The following PKD1L3 variants were observed in gnomAD, a reference collection of about 807,000 sequenced individuals.
PKD1L3 encodes polycystin-1-like protein 3.
A neutral mutation model predicts 184.1 loss-of-function variants in PKD1L3; 239 were observed. The ratio of observed to expected loss-of-function variants is 1.30; its 90% confidence interval spans 1.17 to 1.45. PKD1L3 has a LOEUF of 1.45. Among genes scored for constraint, PKD1L3 ranks in the 40% most tolerant of loss-of-function variants. The pLI is 0.00. For synonymous variants in PKD1L3, 996 were observed against 778.8 expected (o/e 1.28, Z -4.64); for missense variants, 2,660 against 2,067.2 (o/e 1.29, Z -5.56).
At chr16:71,999,372 G>T (rs897910521) in intron 1 of PKD1L3, among the ~76,000 whole-genome samples, 11 of 152,080 alleles carry the variant, frequency 7.2e-5, no homozygotes, top group African/African-American at 2.4e-4. Context: ...TCAGAATAAT[G>T]AAGAGATGTT....
At chr16:71,987,102 T>C (rs570590626) in intron 4 of PKD1L3, among the ~76,000 whole-genome samples, 129 of 147,306 alleles carry the variant, frequency 8.8e-4, no homozygotes, top group African/African-American at 3.1e-3. Context: ...TTTTTGTATT[T>C]TTAGTAGAGA....
intron 10 of PKD1L3, 91 bp from the exon 11 acceptor site, chr16:71,977,558 C>CTT: frequency 3.2e-6 from 2 of 628,028 alleles, no homozygotes; most frequent in Non-Finnish European, 4.9e-6. Flanking sequence ...AACGTCCTAG[C>CTT]TCTTTTTTTT....
At chr16:71,968,172 T>A (rs1487683720) in intron 13 of PKD1L3, among the ~76,000 whole-genome samples, 165 bp from the exon 14 acceptor site, 4 of 152,226 alleles carry the variant, frequency 2.6e-5, no homozygotes, top group Non-Finnish European at 4.4e-5. Context: ...CAGACCTAAG[T>A]CACTAAAGTG....
intron 2 of PKD1L3, among the ~76,000 whole-genome samples, chr16:71,994,834 T>C (rs1234956569): frequency 6.6e-6 from 1 of 152,038 alleles, no homozygotes; most frequent in Non-Finnish European, 1.5e-5. Flanking sequence ...CCGCCGTCTC[T>C]ACTAAAAATA....
At chr16:71,978,442 C>T (rs1351550842) in intron 9 of PKD1L3, 59 bp from the exon 10 acceptor site, 3 of 1,434,710 alleles carry the variant, frequency 2.1e-6, no homozygotes, top group Non-Finnish European at 1.9e-6. Flanking sequence ...AGTGACCCCA[C>T]TAGAAAGATA....
chr16:71,930,306 A>G (rs1420728674), intron 28 of PKD1L3, 123 bp from the exon 29 acceptor site: 3 of 1,001,812 alleles, frequency 3.0e-6, no homozygotes, highest in South Asian at 3.0e-5. Context: ...AAACTTAGGG[A>G]GAGAGTCAAA....
intron 2 of PKD1L3, among the ~76,000 whole-genome samples, chr16:71,994,035 G>C (rs745785422): frequency 6.6e-6 from 1 of 152,190 alleles, no homozygotes; most frequent in Non-Finnish European, 1.5e-5. Flanking sequence ...CTCCCAAAGT[G>C]CTAGGATTAC....
chr16:71,971,486 G>A (rs749528601), intron 12 of PKD1L3, among the ~76,000 whole-genome samples: 3 of 152,098 alleles, frequency 2.0e-5, no homozygotes, highest in African/African-American at 4.8e-5. Flanking sequence ...GAACTCTTGC[G>A]CTGTATTTGG....
intron 2 of PKD1L3, among the ~76,000 whole-genome samples, chr16:71,994,558 A>G (rs1392989398): frequency 1.3e-5 from 2 of 152,200 alleles, no homozygotes; most frequent in African/African-American, 2.4e-5. Context: ...CTGCCTTAAA[A>G]AAAACCCAGC....
At chr16:71,956,011 T>A (rs1033025203) in intron 16 of PKD1L3, among the ~76,000 whole-genome samples, 3 of 151,802 alleles carry the variant, frequency 2.0e-5, no homozygotes, top group African/African-American at 7.3e-5. Context: ...AGACTAAATA[T>A]AACACCTGGC....
chr16:71,995,207 C>A (rs1476673042), intron 2 of PKD1L3, among the ~76,000 whole-genome samples: 1 of 152,080 alleles, frequency 6.6e-6, no homozygotes, highest in Non-Finnish European at 1.5e-5. Context: ...CCTCCCTCTG[C>A]CAAGTCCTTT....
At chr16:71,974,980 T>C (rs78162496) in intron 11 of PKD1L3, among the ~76,000 whole-genome samples, 1,638 of 152,278 alleles carry the variant, frequency 0.011, 26 homozygotes, top group African/African-American at 0.036. Context: ...TTAAGACTTT[T>C]CAGTACTATA....
intron 4 of PKD1L3, 114 bp downstream of exon 4, chr16:71,990,166 C>T (rs1233699128): frequency 4.8e-6 from 4 of 827,634 alleles, no homozygotes; most frequent in Admixed American, 8.1e-5. Context: ...CTTTATTTTC[C>T]TTATTAGAAA....
intron 16 of PKD1L3, among the ~76,000 whole-genome samples, chr16:71,956,382 T>C (rs1016649768): frequency 1.6e-4 from 24 of 151,626 alleles, no homozygotes; most frequent in Admixed American, 1.4e-3. Context: ...TTAGTAGAGA[T>C]GGAGTTTCAC....
intron 4 of PKD1L3, among the ~76,000 whole-genome samples, chr16:71,987,584 C>G (rs1380363957): frequency 6.6e-6 from 1 of 152,006 alleles, no homozygotes; most frequent in Non-Finnish European, 1.5e-5. Flanking sequence ...CCATGTTGCC[C>G]AGGCTGGTCT....
At chr16:71,969,791 C>A in intron 13 of PKD1L3, 84 bp downstream of exon 13, 1 of 1,255,606 alleles carries the variant, frequency 8.0e-7, no homozygotes, top group Non-Finnish European at 1.1e-6. Context: ...CTTCCTGCTG[C>A]TTTTGACGAA....
At chr16:71,976,585 T>C (rs8048292) in intron 11 of PKD1L3, among the ~76,000 whole-genome samples, 115,555 of 151,804 alleles carry the variant, frequency 0.76, 44,229 homozygotes, top group South Asian at 0.86. Context: ...TAACTGCATG[T>C]GAATCTACAA....
At chr16:71,952,598 G>GCCAAGGTGGGAGGATGGCGGGAGT (rs1490943737) in intron 18 of PKD1L3, among the ~76,000 whole-genome samples, 2 of 151,894 alleles carry the variant, frequency 1.3e-5, no homozygotes, top group African/African-American at 2.4e-5. Context: ...ACTTTGGGAG[G>GCCAAGGTGGGAGGATGGCGGGAGT]CCAAGGTGGG....
At chr16:71,946,033 A>G (rs2038590840) in intron 22 of PKD1L3, among the ~76,000 whole-genome samples, 1 of 152,146 alleles carries the variant, frequency 6.6e-6, no homozygotes, top group South Asian at 2.1e-4. Context: ...ATCTTGGCTC[A>G]CTGCAACCTC....
Sources: gnomAD v4.1 joint callset for allele counts (sites outside exome capture counted in the v4.1 genomes callset) on GRCh38, gnomAD v4.1.1 for gene constraint, MANE v1.5 for transcripts, NCBI Gene and HGNC (gene_info 2026-07-23, HGNC 2026-07-21) for gene names.